JRKL: variants seen among roughly 807,000 people sequenced by gnomAD.
The protein encoded by JRKL is JRK like.
JRKL carries 25 observed loss-of-function variants against 34.7 expected under a neutral mutation model. The ratio of observed to expected loss-of-function variants is 0.72; its 90% CI spans 0.53 to 1.01. JRKL has a LOEUF of 1.01. JRKL is among the 50% of genes least tolerant of loss of function. JRKL has a pLI of 0.00. For missense variants in JRKL, 495 were observed against 615.7 expected (o/e 0.80, Z 2.07); for synonymous variants, 204 against 212.8 (o/e 0.96, Z 0.36).
At chr11:96,390,441 C>T (rs1866494750) in intron 1 of JRKL, 42 bp from the exon 2 acceptor site, 4 of 508,652 alleles carry the variant, frequency 7.9e-6, no homozygotes, top group Non-Finnish European at 1.4e-5. Flanking sequence ...TAAAGAAAGG[C>T]CTGTTCTCTC....
At position 96,392,394 on chromosome 11, in the gene JRKL, T is replaced by A; in HGVS notation, c.*170T>A. On this transcript the variant is annotated 3_prime_UTR_variant, in exon 2 of 2. Transcript: ENST00000332349. Reference sequence around the variant, plus strand: ...GTGTTTTCATCATCTGTGTCTTTTGTCCTTTTATTTGTACAGATAATCAGA... The same window carrying A: ...GTGTTTTCATCATCTGTGTCTTTTGACCTTTTATTTGTACAGATAATCAGA... The A allele has an allele frequency of 1.0e-6, 1 of 966,422 alleles. No individual in the cohort carries two copies. The highest frequency in any genetic ancestry group is 2.8e-5 in the East Asian group (1 of 35,918). The allele number at this position is 966,422 out of a possible 1,614,324, so 59.9% of individuals were successfully genotyped here.
At position 96,393,448 on chromosome 11, in the gene JRKL, A is replaced by T. The variant is rs764251335; in HGVS notation, c.*1224A>T. 1.2e-4 allele frequency among the ~76,000 whole-genome samples: 15 copies of T among 126,686 alleles called. No homozygotes were observed. The highest frequency in any genetic ancestry group is 2.6e-4 in the Admixed American group (3 of 11,622). The allele number at this position is 126,686 out of a possible 152,430, so 83.1% of individuals were successfully genotyped here. A position where few individuals can be genotyped will look rare whatever the true frequency, so the allele number is the denominator to read the frequency against. On this transcript the variant is annotated 3_prime_UTR_variant, in exon 2 of 2. Transcript: ENST00000332349. ...TATGTTTATTCAAGACATTGAAACT[A>T]CTTTGCACATATGAATATTAATGTA...
At position 96,392,430 on chromosome 11, in the gene JRKL, G is replaced by A. The variant is rs1360285483; in HGVS notation, c.*206G>A. 1 of 651,642 alleles carries A rather than the reference G, an allele frequency of 1.5e-6. No individual in the cohort carries two copies. The highest frequency in any genetic ancestry group is 2.4e-6 in the Non-Finnish European group (1 of 414,132). The allele number at this position is 651,642 out of a possible 1,614,324, so 40.4% of individuals were successfully genotyped here. On this transcript the variant is annotated 3_prime_UTR_variant, in exon 2 of 2. Transcript: ENST00000332349. The stretch of plus-strand genomic sequence containing the variant: ...GTACAGATAATCAGAAGATGATACT[G>A]AATAGATATAAATTACATGTACACA...
rs775408915 is a variant in JRKL, at chr11:96,391,580, T to C, written c.931T>C (p.Phe311Leu). ...CCTAAGGTCAGATGATGGCCAAATATTTGCTAAATATTTACCACCTAATGT... is the reference window on the plus strand; with the variant it reads ...CCTAAGGTCAGATGATGGCCAAATACTTGCTAAATATTTACCACCTAATGT... ...NVLRSDDGQIFAKYLPPNVAS... is the reference protein window; with the variant it reads ...NVLRSDDGQILAKYLPPNVAS... Residue 311 changes from phenylalanine (F) to leucine (L), a missense_variant, in exon 2 of 2, where the codon TTT (phenylalanine) becomes CTT (leucine). Phe to Leu is a conservative substitution (Grantham distance 22). Transcript: ENST00000332349. 4.4e-6 allele frequency: 7 copies of C among 1,593,648 alleles called. No individual in the cohort carries two copies. The highest frequency in any genetic ancestry group is 6.0e-6 in the Non-Finnish European group (7 of 1,169,444).
At position 96,391,556 on chromosome 11, in the gene JRKL, C is replaced by T. The variant is rs1306802832; in HGVS notation, c.907C>T (p.Leu303=). Residue 303 remains leucine, a synonymous_variant, in exon 2 of 2, where the codon CTA becomes TTA. Transcript: ENST00000332349. ...NSPTHPNENV[L]RSDDGQIFAK... ...ACCAACACATCCAAATGAAAATGTC[C>T]TAAGGTCAGATGATGGCCAAATATT... The T allele has an allele frequency of 3.8e-6, 6 of 1,566,294 alleles. No homozygotes were observed. The highest frequency in any genetic ancestry group is 1.2e-5 in the South Asian group (1 of 86,150).
intron 1 of JRKL, 85 bp downstream of exon 1, chr11:96,390,158 G>T: frequency 6.5e-6 from 1 of 154,700 alleles, no homozygotes; most frequent in Non-Finnish European, 1.4e-5. Context: ...GCTGCGCGGC[G>T]GGAGGGCCCT....
At position 96,390,713 on chromosome 11, in the gene JRKL, C is replaced by T; in HGVS notation, c.64C>T (p.Leu22Phe). The stretch of plus-strand genomic sequence containing the variant: ...AGATAAGCTTGATATAATAAAGAAA[C>T]TTGAAGACGGAGGTTCTTCCAAACA... Reference protein sequence around the residue: ...IKDKLDIIKKLEDGGSSKQLA... With the variant: ...IKDKLDIIKKFEDGGSSKQLA... The change falls in exon 2 of 2, where the codon CTT (leucine) becomes TTT (phenylalanine). Residue 22 changes from leucine to phenylalanine, a missense_variant. Leu to Phe is a conservative substitution (Grantham distance 22). Transcript: ENST00000332349. 1 of 1,608,664 alleles carries T rather than the reference C, an allele frequency of 6.2e-7. No homozygotes were observed.
rs1398028586 is a variant in JRKL at position 96,390,533 on chromosome 11, G to T, written c.-117G>T. On this transcript the variant is annotated 5_prime_UTR_variant, in exon 2 of 2. Transcript: ENST00000332349. The stretch of plus-strand genomic sequence containing the variant: ...GGGAGGGGATCAGGGCCACCAGGTT[G>T]CTGGTAAGGATGAAAGACTGAGTGT... The T allele has an allele frequency of 2.3e-6, 3 of 1,328,124 alleles. No homozygotes were observed. Among genetic ancestry groups the T allele is most frequent in the Non-Finnish European group, 3.0e-6 (3 of 992,978 alleles). 82.3% of individuals were successfully genotyped at this position (1,328,124 alleles called of 1,614,324 possible).
chr11:96,393,529 T>G lies in JRKL; in HGVS notation c.*1305T>G, dbSNP rs1318137160. Among the ~76,000 whole-genome samples the G allele has an allele frequency of 6.6e-6, 1 of 152,154 alleles. No individual in the cohort carries two copies. The highest frequency in any genetic ancestry group is 1.9e-4 in the East Asian group (1 of 5,204). ...GCTATTTCATGTTTTGGCCAAAAAT[T>G]TTTAAAAAATAAATTACAATTGTTC... is the stretch of plus-strand genomic sequence containing the variant. On this transcript the variant is annotated 3_prime_UTR_variant, in exon 2 of 2. Transcript: ENST00000332349.
chr11:96,392,282 G>C lies in JRKL; in HGVS notation c.*58G>C, dbSNP rs868591292. ...GTTTGTGACAAACTCTTTGCAATAT[G>C]GCTTAATTTTCTTTGTGTTCTGAAT... On this transcript the variant is annotated 3_prime_UTR_variant, in exon 2 of 2. Transcript: ENST00000332349. The C allele has an allele frequency of 6.8e-7, 1 of 1,480,152 alleles. No homozygotes were observed. Among genetic ancestry groups the C allele is most frequent in the African/African-American group, 1.4e-5 (1 of 70,480 alleles). The allele number at this position is 1,480,152 out of a possible 1,614,324, so 91.7% of individuals were successfully genotyped here.
chr11:96,392,131 A>G lies in JRKL; in HGVS notation c.1482A>G (p.Gln494=), dbSNP rs768408593. 2 of 1,614,062 alleles carry G rather than the reference A, an allele frequency of 1.2e-6. No individual in the cohort carries two copies. Among genetic ancestry groups the G allele is most frequent in the Non-Finnish European group, 1.7e-6 (2 of 1,179,948 alleles). Residue 494 remains glutamine, a synonymous_variant, in exon 2 of 2, where the codon CAA becomes CAG. Coordinates refer to ENST00000332349, the MANE Select transcript of JRKL (RefSeq NM_001261833.2). The stretch of plus-strand genomic sequence containing the variant: ...AAAATTTATTGGATTATCTAGAACA[A>G]CAAGGTGATATGATTCTACCTGATA... ...WTENLLDYLE[Q]QGDMILPDRL... is the part of the protein sequence containing the mutation.
rs746744222 is a variant in JRKL, at chr11:96,391,826, G to T, written c.1177G>T (p.Glu393Ter). 1 of 1,614,038 alleles carries T rather than the reference G, an allele frequency of 6.2e-7. No individual in the cohort carries two copies. The highest frequency in any genetic ancestry group is 8.5e-7 in the Non-Finnish European group (1 of 1,180,004). Reference protein sequence around the residue: ...RAWKKILPMVEEKESLDFDVE... With the variant: ...RAWKKILPMV ...ATGGAAGAAGATTCTCCCTATGGTA[G>T]AGGAGAAAGAGAGCCTGGACTTTGA... Residue 393 changes from glutamate (E) to a stop codon, truncating the protein, a stop_gained, in exon 2 of 2, where the codon GAG becomes TAG. Transcript: ENST00000332349. LOFTEE classifies it high-confidence loss of function.
chr11:96,391,960 T>C lies in JRKL; in HGVS notation c.1311T>C (p.Thr437=), dbSNP rs1163958208. 3 of 1,613,972 alleles carry C rather than the reference T, an allele frequency of 1.9e-6. No individual in the cohort carries two copies. Among genetic ancestry groups the C allele is most frequent in the African/African-American group, 2.7e-5 (2 of 74,916 alleles). Residue 437 remains threonine, a synonymous_variant, in exon 2 of 2, where the codon ACT becomes ACC. Transcript: ENST00000332349. ...NLEKWLEVDS[T]EPGYEVLTDS... ...AAAAATGGCTTGAAGTAGACAGTAC[T>C]GAACCAGGCTATGAAGTGTTAACTG...
chr11:96,391,659 A>G lies in JRKL; in HGVS notation c.1010A>G (p.Asn337Ser). Residue 337 changes from asparagine to serine, a missense_variant, in exon 2 of 2, where the codon AAT becomes AGT. Transcript: ENST00000332349. ...DQGVIATMKR[N>S]YRAGLLQNNL... ...GGAGTCATAGCAACGATGAAGAGAA[A>G]TTATCGTGCAGGTCTTCTCCAGAAC... 1 of 1,614,204 alleles carries G rather than the reference A, an allele frequency of 6.2e-7. No homozygotes were observed. The highest frequency in any genetic ancestry group is 8.5e-7 in the Non-Finnish European group (1 of 1,180,018).
At position 96,393,347 on chromosome 11, in the gene JRKL, A is replaced by G. The variant is rs1480258373; in HGVS notation, c.*1123A>G. 1 of 166,934 alleles carries G rather than the reference A, an allele frequency of 6.0e-6. No individual in the cohort carries two copies. The highest frequency in any genetic ancestry group is 2.4e-5 in the African/African-American group (1 of 41,464). The allele number at this position is 166,934 out of a possible 1,614,324, so 10.3% of individuals were successfully genotyped here. On this transcript the variant is annotated 3_prime_UTR_variant, in exon 2 of 2. Coordinates refer to ENST00000332349, the MANE Select transcript of JRKL (RefSeq NM_001261833.2). Reference sequence around the variant, plus strand: ...AGGAATATTATTGTTTATTATTTTAATACATATAAAAAGGGATTAATCTGC... The same window carrying G: ...AGGAATATTATTGTTTATTATTTTAGTACATATAAAAAGGGATTAATCTGC...
In JRKL at chr11:96,391,045, G is replaced by T; in HGVS notation, c.396G>T (p.Arg132=). ...SAGWLTRFKQ[R]HSIREINIRN... is the part of the protein sequence containing the mutation. The stretch of plus-strand genomic sequence containing the variant: ...GTTGGCTAACTCGTTTTAAGCAGCG[G>T]CACAGCATTAGAGAGATTAACATTA... Residue 132 remains arginine, a synonymous_variant, in exon 2 of 2, where the codon CGG becomes CGT. Transcript: ENST00000332349. 1 of 1,614,208 alleles carries T rather than the reference G, an allele frequency of 6.2e-7. No homozygotes were observed. The highest frequency in any genetic ancestry group is 8.5e-7 in the Non-Finnish European group (1 of 1,180,026).
rs912974159 is a variant in JRKL at position 96,390,056 on chromosome 11, G to C, written c.-185G>C. Reference sequence around the variant, plus strand: ...GCGCGATAGTCAGGGAGCTGTGCGGGTCCTGGTTGCAAGAGAGGTGGGGAG... The same window carrying C: ...GCGCGATAGTCAGGGAGCTGTGCGGCTCCTGGTTGCAAGAGAGGTGGGGAG... On this transcript the variant is annotated 5_prime_UTR_variant, in exon 1 of 2. Transcript: ENST00000332349. The C allele has an allele frequency of 1.3e-5, 2 of 152,672 alleles. No homozygotes were observed. The highest frequency in any genetic ancestry group is 4.8e-5 in the African/African-American group (2 of 41,446). 9.5% of individuals were successfully genotyped at this position (152,672 alleles called of 1,614,324 possible). A position where few individuals can be genotyped will look rare whatever the true frequency, so the allele number is the denominator to read the frequency against.
At position 96,390,495 on chromosome 11, in the gene JRKL, C is replaced by A; in HGVS notation, c.-155C>A. The A allele has an allele frequency of 1.1e-6, 1 of 871,210 alleles. No individual in the cohort carries two copies. The highest frequency in any genetic ancestry group is 1.7e-6 in the Non-Finnish European group (1 of 601,066). 54.0% of individuals were successfully genotyped at this position (871,210 alleles called of 1,614,324 possible). A position where few individuals can be genotyped will look rare whatever the true frequency, so the allele number is the denominator to read the frequency against. On this transcript the variant is annotated 5_prime_UTR_variant, in exon 2 of 2. Coordinates refer to ENST00000332349, the MANE Select transcript of JRKL (RefSeq NM_001261833.2). ...CCTTCTTCTGCAGTCTATTTGCCAG[C>A]CAACCCCAGCCCGGGAGGGGATCAG...
rs1365374675 is a variant in JRKL at position 96,391,282 on chromosome 11, CAT to C, written c.634_635del (p.Met212ValfsTer12). 3.2e-6 allele frequency: 5 copies of C among 1,551,500 alleles called. No individual in the cohort carries two copies. The highest frequency in any genetic ancestry group is 1.4e-5 in the African/African-American group (1 of 73,034). On this transcript the variant is annotated frameshift_variant, in exon 2 of 2. Coordinates refer to ENST00000332349, the MANE Select transcript of JRKL (RefSeq NM_001261833.2). LOFTEE classifies it high-confidence loss of function. Reference protein sequence around the residue: ...HKSIEERVTIMCCANATGLHK... With the variant: ...HKSIEERVTIXCCANATGLHK... ...AATCAATTGAAGAAAGAGTCACAATCATGTGTTGTGCCAATGCAACAGGTTTA... is the reference window on the plus strand; with the variant it reads ...AATCAATTGAAGAAAGAGTCACAATCGTGTTGTGCCAATGCAACAGGTTTA...
Sources: allele counts gnomAD v4.1 joint callset (sites outside exome capture counted in the v4.1 genomes callset), GRCh38; gene constraint gnomAD v4.1.1; transcripts MANE v1.5; gene names NCBI Gene and HGNC (gene_info 2026-07-23, HGNC 2026-07-21).